MYLK: variants seen among roughly 807,000 people sequenced by gnomAD.
MYLK encodes the protein myosin light chain kinase, smooth muscle.
In MYLK, 106 loss-of-function variants were observed where a neutral mutation model predicts 203.4. The ratio of observed to expected loss-of-function variants is 0.52; its 90% confidence interval spans 0.45 to 0.61. The LOEUF is 0.61. Among genes scored for constraint, MYLK ranks in the 20% least tolerant of loss-of-function variants. The pLI, the probability that MYLK is intolerant of heterozygous loss-of-function variation, is 0.00. For synonymous variants in MYLK, 867 were observed against 959.5 expected (o/e 0.90, Z 1.78); for missense variants, 2,072 against 2,442.3 (o/e 0.85, Z 3.20).
Position 123,629,374 on chromosome 3 carries a change from G to A in MYLK, c.5114+100C>T. ...GAATGCTAGGAACGACCCAAGGCGG[G>A]GTGGCAAGGAGGGCACCCCAACAGG... On this transcript the variant is annotated intron_variant, in intron 30 of 33. Coordinates refer to ENST00000360304, the MANE Select transcript of MYLK (RefSeq NM_053025.4). This position sits in a 1 kb window ranked among gnomAD's most constrained non-coding sequence, Gnocchi z 4.4. 1 of 1,442,924 alleles carries A rather than the reference G, an allele frequency of 6.9e-7. No individual in the cohort carries two copies. Among genetic ancestry groups the A allele is most frequent in the African/African-American group, 1.4e-5 (1 of 71,646 alleles). The allele number at this position is 1,442,924 out of a possible 1,614,324, so 89.4% of individuals were successfully genotyped here.
At chr3:123,625,688 A>G (rs1207748212) in intron 31 of MYLK, among the ~76,000 whole-genome samples, 2 of 151,236 alleles carry the variant, frequency 1.3e-5, no homozygotes, top group Admixed American at 6.6e-5. Context: ...GGCGCCTGTA[A>G]TCCCAGCTAC....
At chr3:123,668,442 C>A (rs183540895) in intron 20 of MYLK, among the ~76,000 whole-genome samples, 1 of 145,234 alleles carries the variant, frequency 6.9e-6, no homozygotes, top group Non-Finnish European at 1.5e-5. Context: ...TCCATTTATA[C>A]GACATTCTAG....
chr3:123,745,961 G>A (rs1479490279), intron 5 of MYLK, among the ~76,000 whole-genome samples: 1 of 152,074 alleles, frequency 6.6e-6, no homozygotes, highest in African/African-American at 2.4e-5. Flanking sequence ...AGACTCAAGT[G>A]ATTCTCCTGC....
At chr3:123,657,984 C>T (rs933409456) in intron 23 of MYLK, among the ~76,000 whole-genome samples, 1 of 152,154 alleles carries the variant, frequency 6.6e-6, no homozygotes, top group Non-Finnish European at 1.5e-5. Flanking sequence ...CAGATCTGTC[C>T]CCACACAGTA....
chr3:123,666,227 G>A lies in MYLK; in HGVS notation c.3823C>T (p.Arg1275Ter), dbSNP rs1382893400. The change falls in exon 22 of 34, where the codon CGA becomes TGA. Residue 1275 changes from arginine to a stop codon, truncating the protein, a stop_gained. Transcript: ENST00000360304. LOFTEE classifies it high-confidence loss of function. ...CCCATACCGTCACTGACCTGCTTTC[G>A]GAACTTCATCCAGGTACAGGTGATG... The part of the protein sequence containing the change: ...QPITCTWMKF[R>*]KQIQESEHMK... The A allele has an allele frequency of 2.5e-6, 4 of 1,614,172 alleles. No homozygotes were observed. Among genetic ancestry groups the A allele is most frequent in the Admixed American group, 1.7e-5 (1 of 60,024 alleles).
intron 2 of MYLK, among the ~76,000 whole-genome samples, chr3:123,873,214 C>T (rs1040224413): frequency 2.1e-4 from 32 of 152,176 alleles, no homozygotes; most frequent in African/African-American, 6.7e-4. Flanking sequence ...CTCAACAGAT[C>T]CGTAAAAAGC....
chr3:123,832,507 C>G (rs2066363262), intron 2 of MYLK, among the ~76,000 whole-genome samples: 1 of 152,184 alleles, frequency 6.6e-6, no homozygotes, highest in Non-Finnish European at 1.5e-5. Flanking sequence ...ATGGCATTTG[C>G]TGTTTTTGAA....
rs2063273284 is a variant in MYLK, at chr3:123,753,598, A to G, written c.166-1060T>C. Among the ~76,000 whole-genome samples the G allele has an allele frequency of 2.0e-5, 3 of 152,094 alleles. No homozygotes were observed. In the South Asian group the frequency reaches 6.2e-4, roughly 32 times the overall value. ...GAAGACATCTCTCAAAAGAGGGGAA[A>G]ATGCAGAGATAAATTCAAAGAAAAG... On this transcript the variant is annotated intron_variant, in intron 4 of 33. Transcript: ENST00000360304.
intron 18 of MYLK, among the ~76,000 whole-genome samples, chr3:123,697,022 C>T (rs183799744): frequency 3.3e-4 from 51 of 152,340 alleles, no homozygotes; most frequent in African/African-American, 1.2e-3. Context: ...ACTCAGCTCC[C>T]TCTCTTCCCA....
At chr3:123,703,018 T>C (rs980404517) in intron 16 of MYLK, among the ~76,000 whole-genome samples, 1 of 152,240 alleles carries the variant, frequency 6.6e-6, no homozygotes, top group African/African-American at 2.4e-5. Flanking sequence ...ACACATGATG[T>C]ACACATATAC....
At chr3:123,875,864 T>C (rs576598853) in intron 2 of MYLK, among the ~76,000 whole-genome samples, 194 of 152,304 alleles carry the variant, frequency 1.3e-3, no homozygotes, top group Non-Finnish European at 2.2e-3. Context: ...GTGCAACAGA[T>C]GATCAGGTAG....
chr3:123,702,384 C>G (rs1022573019), intron 16 of MYLK, among the ~76,000 whole-genome samples: 2 of 152,206 alleles, frequency 1.3e-5, no homozygotes, highest in African/African-American at 2.4e-5. Flanking sequence ...ATACAGCACC[C>G]TCCAGCTTTC....
chr3:123,883,495 C>T (rs2033671566), intron 1 of MYLK, among the ~76,000 whole-genome samples: 1 of 152,240 alleles, frequency 6.6e-6, no homozygotes, highest in East Asian at 1.9e-4. Flanking sequence ...ATCTTCACAT[C>T]TGCAATGCCA....
rs759678564 is a variant in MYLK, at chr3:123,708,783, C to A, written c.2055G>T (p.Val685=). ...GTQHSLCIQE[V]FPEDTGTYTC... is the part of the protein sequence containing the mutation. Reference sequence around the variant, plus strand: ...TGTACGTGCCCGTGTCCTCCGGGAACACTTCCTGGATACAAAGGCTGTGCT... The same window carrying A: ...TGTACGTGCCCGTGTCCTCCGGGAAAACTTCCTGGATACAAAGGCTGTGCT... The change falls in exon 15 of 34, where the codon GTG becomes GTT. Residue 685 remains valine (V), a synonymous_variant. Transcript: ENST00000360304. 3.1e-6 allele frequency: 5 copies of A among 1,614,080 alleles called. No homozygotes were observed. Among genetic ancestry groups the A allele is most frequent in the Non-Finnish European group, 3.4e-6 (4 of 1,180,044 alleles).
chr3:123,866,969 C>A (rs2148701959), intron 2 of MYLK, among the ~76,000 whole-genome samples: 1 of 152,296 alleles, frequency 6.6e-6, no homozygotes, highest in South Asian at 2.1e-4. Context: ...TGACTCCCCA[C>A]TGGCTCCTAG....
At chr3:123,837,603 C>T (rs914751827) in intron 2 of MYLK, among the ~76,000 whole-genome samples, 3 of 149,276 alleles carry the variant, frequency 2.0e-5, no homozygotes, top group African/African-American at 7.4e-5. Flanking sequence ...CAAATCAATG[C>T]TTTTTAAGTA....
intron 23 of MYLK, chr3:123,659,641 G>T: frequency 1.9e-6 from 1 of 515,974 alleles, no homozygotes; most frequent in Non-Finnish European, 3.9e-6. Flanking sequence ...TTCTTTCTAA[G>T]CTATGAGCCC....
At chr3:123,772,510 A>C (rs113702628) in intron 4 of MYLK, among the ~76,000 whole-genome samples, 1,720 of 152,234 alleles carry the variant, frequency 0.011, 39 homozygotes, top group African/African-American at 0.039. Flanking sequence ...ATAATCTTAG[A>C]GATTCCAGGC....
At chr3:123,858,675 C>A (rs2031627341) in intron 2 of MYLK, among the ~76,000 whole-genome samples, 1 of 152,100 alleles carries the variant, frequency 6.6e-6, no homozygotes, top group African/African-American at 2.4e-5. Flanking sequence ...ATTCATTAAC[C>A]TATTAATCCA....
Sources: allele counts gnomAD v4.1 joint callset (sites outside exome capture counted in the v4.1 genomes callset), GRCh38; gene constraint gnomAD v4.1.1; non-coding constraint Gnocchi (gnomAD v3.1); transcripts MANE v1.5; gene names NCBI Gene and HGNC (gene_info 2026-07-23, HGNC 2026-07-21).